Variants in LRRC4C observed in about 807,000 individuals in gnomAD.
The protein encoded by LRRC4C is leucine rich repeat containing 4C.
A neutral mutation model predicts 33.6 loss-of-function variants in LRRC4C; 5 were observed. That is an observed-to-expected ratio of 0.15 (90% CI 0.08 to 0.31). The LOEUF is 0.31. LRRC4C is among the 10% of genes least tolerant of loss of function. The probability of loss-of-function intolerance (pLI) is 1.00; values close to 1 mark genes in which losing one functional copy is unlikely to be tolerated. For missense variants in LRRC4C, 560 were observed against 796.7 expected, an observed-to-expected ratio of 0.70 and a Z score of 3.58; for synonymous variants, 329 against 302.0, an observed-to-expected ratio of 1.09 and a Z score of -0.93.
chr11:41,389,157 A>G (rs2137975675), intron 1 of LRRC4C, among the ~76,000 whole-genome samples: 1 of 151,222 alleles, frequency 6.6e-6, no homozygotes, highest in Admixed American at 6.6e-5. Flanking sequence ...ACACCCACAT[A>G]CTCTCATTTA....
chr11:40,619,800 T>A (rs1400344362), intron 3 of LRRC4C, among the ~76,000 whole-genome samples: 1 of 151,428 alleles, frequency 6.6e-6, no homozygotes, highest in East Asian at 1.9e-4. Flanking sequence ...ATTCAGTAAC[T>A]CTTTATTTAA....
chr11:40,190,847 A>G (rs1362765720), intron 5 of LRRC4C, among the ~76,000 whole-genome samples: 1 of 152,186 alleles, frequency 6.6e-6, no homozygotes, highest in Non-Finnish European at 1.5e-5. Context: ...GGATTTTTAT[A>G]TCATTTTTCT....
At chr11:41,427,180 T>G (rs957543846) in intron 1 of LRRC4C, among the ~76,000 whole-genome samples, 4 of 151,954 alleles carry the variant, frequency 2.6e-5, no homozygotes, top group Admixed American at 2.6e-4. Context: ...AAATTGGGAG[T>G]CTTATTTTTA....
intron 1 of LRRC4C, among the ~76,000 whole-genome samples, chr11:40,945,315 CG>C (rs1230771962): frequency 6.6e-6 from 1 of 151,994 alleles, no homozygotes; most frequent in African/African-American, 2.4e-5. Context: ...CCACCGTGCC[CG>C]GGCCAACTTT....
intron 3 of LRRC4C, among the ~76,000 whole-genome samples, chr11:40,523,195 A>C (rs150084652): frequency 0.011 from 1,704 of 152,196 alleles, 17 homozygotes; most frequent in Non-Finnish European, 0.019. Context: ...CGACATCCTC[A>C]CATTTATTTT....
chr11:40,774,013 C>G (rs886976142), intron 2 of LRRC4C, among the ~76,000 whole-genome samples: 4 of 152,094 alleles, frequency 2.6e-5, no homozygotes, highest in African/African-American at 9.7e-5. Context: ...CACTCTGATT[C>G]TCTCCTCACC....
At chr11:41,148,020 T>C (rs1472530913) in intron 1 of LRRC4C, among the ~76,000 whole-genome samples, 1 of 151,858 alleles carries the variant, frequency 6.6e-6, no homozygotes, top group Non-Finnish European at 1.5e-5. Flanking sequence ...CATGAGAATA[T>C]TTTTTTTCTT....
intron 6 of LRRC4C, among the ~76,000 whole-genome samples, chr11:40,136,831 C>T (rs536022570): frequency 1.3e-5 from 2 of 152,146 alleles, no homozygotes; most frequent in South Asian, 4.1e-4. Flanking sequence ...ACTTTCAGTA[C>T]ACTGTGACAT....
chr11:40,713,640 A>G (rs1946570653), intron 2 of LRRC4C, among the ~76,000 whole-genome samples: 1 of 152,238 alleles, frequency 6.6e-6, no homozygotes, highest in African/African-American at 2.4e-5. Flanking sequence ...TCAGGCTATA[A>G]TAGAGTATTT....
chr11:40,876,285 TG>T (rs1954886838), intron 2 of LRRC4C, among the ~76,000 whole-genome samples: 1 of 112,992 alleles, frequency 8.9e-6, no homozygotes, highest in Non-Finnish European at 1.9e-5. Flanking sequence ...TTTTTTTCAT[TG>T]GGGAGTAATG....
intron 1 of LRRC4C, among the ~76,000 whole-genome samples, chr11:41,072,359 AT>A (rs1481482008): frequency 1.7e-5 from 1 of 60,066 alleles, no homozygotes; most frequent in Non-Finnish European, 3.7e-5. Context: ...GTAATAAAGT[AT>A]TTTAAAATTA....
chr11:40,348,035 C>T (rs1947213946), intron 3 of LRRC4C, among the ~76,000 whole-genome samples: 1 of 152,196 alleles, frequency 6.6e-6, no homozygotes, highest in African/African-American at 2.4e-5. Context: ...GCAGTCAGAA[C>T]ACACGCAACG....
At position 40,847,913 on chromosome 11, in the gene LRRC4C, T is replaced by C. The variant is rs188663402; in HGVS notation, c.-407+85722A>G. Among the ~76,000 whole-genome samples, 38 of 152,098 alleles carry C rather than the reference T, an allele frequency of 2.5e-4. No homozygotes were observed. The East Asian group carries it at 6.8e-3, about 27-fold the overall frequency. ...GAGGGTGTATGTGTCCAGGAATTTA[T>C]CCCTTTCTATTTTCTAGTTTATTTG... On this transcript the variant is annotated intron_variant, in intron 2 of 6. Coordinates refer to ENST00000528697, the MANE Select transcript of LRRC4C (RefSeq NM_001258419.2).
intron 1 of LRRC4C, among the ~76,000 whole-genome samples, chr11:41,114,078 G>A (rs907312453): frequency 4.6e-5 from 7 of 151,882 alleles, no homozygotes; most frequent in South Asian, 2.1e-4. Context: ...CTGAACTCTC[G>A]AAAATATAAC....
At chr11:40,959,681 T>C (rs1254219804) in intron 1 of LRRC4C, among the ~76,000 whole-genome samples, 1 of 151,878 alleles carries the variant, frequency 6.6e-6, no homozygotes, top group East Asian at 1.9e-4. Flanking sequence ...ATTTTTAAAT[T>C]TATTCCTGAG....
chr11:40,994,546 A>ATAT, intron 1 of LRRC4C, among the ~76,000 whole-genome samples: 2 of 152,132 alleles, frequency 1.3e-5, no homozygotes, highest in Non-Finnish European at 2.9e-5. Flanking sequence ...CCCATAGTTG[A>ATAT]AAACCCTGGT....
chr11:41,167,482 C>A (rs770834361), intron 1 of LRRC4C, among the ~76,000 whole-genome samples: 21 of 152,146 alleles, frequency 1.4e-4, no homozygotes, highest in Non-Finnish European at 2.2e-4. Flanking sequence ...AGTCTACCAC[C>A]TAATTCATAC....
At position 40,907,277 on chromosome 11, in the gene LRRC4C, C is replaced by T. The variant is rs74938251; in HGVS notation, c.-407+26358G>A. ...AGTAACTTTTTCCTGTAGCTGGACA[C>T]GTAGGAGCAGATCATCTTCAGATGG... On this transcript the variant is annotated intron_variant, in intron 2 of 6. Transcript: ENST00000528697. Among the ~76,000 whole-genome samples, 281 of 152,238 alleles carry T rather than the reference C, an allele frequency of 1.8e-3. 1 individual carries two copies. The highest frequency in any genetic ancestry group is 6.5e-3 in the African/African-American group (272 of 41,554).
intron 3 of LRRC4C, among the ~76,000 whole-genome samples, chr11:40,572,282 C>G (rs1958012916): frequency 6.6e-6 from 1 of 152,038 alleles, no homozygotes; most frequent in Admixed American, 6.6e-5. Flanking sequence ...AGGTCCAGAC[C>G]CAGGTTTAGA....
Sources: allele counts gnomAD v4.1 joint callset (sites outside exome capture counted in the v4.1 genomes callset), GRCh38; gene constraint gnomAD v4.1.1; transcripts MANE v1.5; gene names NCBI Gene and HGNC (gene_info 2026-07-23, HGNC 2026-07-21).